Variants in DYNC2I1 observed in about 807,000 individuals in gnomAD.
DYNC2I1 encodes cytoplasmic dynein 2 intermediate chain 1.
A neutral mutation model predicts 133.4 loss-of-function variants in DYNC2I1; 89 were observed. The ratio of observed to expected loss-of-function variants is 0.67; its 90% CI spans 0.56 to 0.80. The LOEUF (loss-of-function observed/expected upper bound fraction) is 0.80. Among genes scored for constraint, DYNC2I1 ranks in the 30% least tolerant of loss-of-function variants. DYNC2I1 has a pLI of 0.00. For synonymous variants in DYNC2I1, 504 were observed against 484.3 expected, an observed-to-expected ratio of 1.04 and a Z score of -0.54; for missense variants, 1,291 against 1,314.5, an observed-to-expected ratio of 0.98 and a Z score of 0.28.
intron 24 of DYNC2I1, 82 bp downstream of exon 24, chr7:158,942,230 T>G (rs949717158): frequency 9.1e-7 from 1 of 1,096,008 alleles, no homozygotes; most frequent in African/African-American, 1.6e-5. Context: ...TCTTCATTAA[T>G]TTTTGCATGA....
chr7:158,916,275 A>G (rs1417179990), intron 14 of DYNC2I1, among the ~76,000 whole-genome samples: 5 of 94,704 alleles, frequency 5.3e-5, no homozygotes, highest in Admixed American at 3.0e-4. Flanking sequence ...GACATTTAGG[A>G]TGATTGTGAA....
At chr7:158,900,764 G>A (rs1440622273) in intron 8 of DYNC2I1, among the ~76,000 whole-genome samples, 60 of 32,942 alleles carry the variant, frequency 1.8e-3, no homozygotes, top group African/African-American at 7.4e-3. Flanking sequence ...CCCGCTTTTT[G>A]TTCTCTTTGC....
intron 21 of DYNC2I1, among the ~76,000 whole-genome samples, chr7:158,932,714 G>C (rs1312355459): frequency 6.6e-6 from 1 of 152,158 alleles, no homozygotes. Flanking sequence ...TGGAGTCAGG[G>C]AGAGCAGTTA....
intron 1 of DYNC2I1, among the ~76,000 whole-genome samples, chr7:158,868,704 G>A (rs1379659740): frequency 1.3e-5 from 2 of 152,158 alleles, no homozygotes; most frequent in Admixed American, 6.5e-5. Context: ...GTGTCCTCAG[G>A]GACAGGCAGG....
At chr7:158,870,142 C>T (rs1226589596) in intron 2 of DYNC2I1, among the ~76,000 whole-genome samples, 2 of 152,284 alleles carry the variant, frequency 1.3e-5, no homozygotes, top group East Asian at 1.9e-4. Context: ...GGCCTCCGCA[C>T]TGCTTTAGGG....
intron 16 of DYNC2I1, 130 bp downstream of exon 16, chr7:158,922,679 C>A: frequency 1.2e-6 from 1 of 866,070 alleles, no homozygotes; most frequent in Admixed American, 2.7e-5. Flanking sequence ...ATGGGCCATT[C>A]TCTGTCTCTC....
intron 1 of DYNC2I1, among the ~76,000 whole-genome samples, chr7:158,868,641 G>A (rs959606597): frequency 1.3e-5 from 2 of 152,354 alleles, no homozygotes; most frequent in African/African-American, 2.4e-5. Context: ...CCAGAGACAC[G>A]GGTGAGCTTG....
downstream of DYNC2I1, among the ~76,000 whole-genome samples, chr7:158,946,833 C>T (rs890122263): frequency 5.3e-5 from 8 of 152,204 alleles, no homozygotes; most frequent in East Asian, 1.9e-4. Context: ...GTGAGGTGAA[C>T]GGATGGGCAC....
At chr7:158,937,271 T>A (rs1159245293) in intron 23 of DYNC2I1, among the ~76,000 whole-genome samples, 2 of 152,214 alleles carry the variant, frequency 1.3e-5, no homozygotes, top group African/African-American at 4.8e-5. Context: ...TTATAGGCTG[T>A]CAGCAGCAGA....
At chr7:158,898,065 T>TA (rs1461683026) in intron 8 of DYNC2I1, among the ~76,000 whole-genome samples, 1 of 152,256 alleles carries the variant, frequency 6.6e-6, no homozygotes, top group African/African-American at 2.4e-5. Flanking sequence ...ATTTTTCTGT[T>TA]ACTGATTTCT....
chr7:158,917,301 T>A (rs1312261953), intron 14 of DYNC2I1, among the ~76,000 whole-genome samples: 2 of 151,836 alleles, frequency 1.3e-5, no homozygotes, highest in African/African-American at 4.8e-5. Flanking sequence ...AAATTAAGGA[T>A]GATTGTGAGA....
intron 23 of DYNC2I1, among the ~76,000 whole-genome samples, chr7:158,940,114 A>G (rs1285982904): frequency 6.6e-6 from 1 of 152,216 alleles, no homozygotes; most frequent in African/African-American, 2.4e-5. Context: ...AAGAAGCATC[A>G]GAGTTAAACT....
chr7:158,901,781 G>A lies in DYNC2I1; in HGVS notation c.1102G>A (p.Asp368Asn). 1 of 1,583,576 alleles carries A rather than the reference G, an allele frequency of 6.3e-7. No individual in the cohort carries two copies. The highest frequency in any genetic ancestry group is 1.2e-5 in the South Asian group (1 of 85,498). ...AACTGATTTAGAAAATGCTAGAGCT[G>A]ATGCATATACAGCCAGTTGTGAAGA... ...EETDLENARA[D>N]AYTASCEDDF... The change falls in exon 9 of 25, where the codon GAT becomes AAT. Residue 368 changes from aspartate to asparagine, a missense_variant. By Grantham distance (23) the Asp-to-Asn change is conservative. Coordinates refer to ENST00000407559, the MANE Select transcript of DYNC2I1 (RefSeq NM_018051.5).
chr7:158,918,913 A>G, intron 15 of DYNC2I1, 44 bp downstream of exon 15: 1 of 1,586,308 alleles, frequency 6.3e-7, no homozygotes, highest in East Asian at 2.3e-5. Context: ...CAGTGACTAA[A>G]CATTCATGTT....
intron 1 of DYNC2I1, among the ~76,000 whole-genome samples, chr7:158,858,010 C>G (rs546857163): frequency 6.6e-6 from 1 of 151,990 alleles, no homozygotes; most frequent in South Asian, 2.1e-4. Context: ...AGGCTGGTCT[C>G]GAACTCCTGA....
intron 4 of DYNC2I1, among the ~76,000 whole-genome samples, chr7:158,954,220 A>G (rs903359668): frequency 1.3e-5 from 2 of 152,158 alleles, no homozygotes; most frequent in Non-Finnish European, 2.9e-5. Flanking sequence ...CTGTGAGTCC[A>G]TTACACCTCT....
intron 11 of DYNC2I1, among the ~76,000 whole-genome samples, chr7:158,909,972 C>T (rs1199050753): frequency 2.0e-5 from 3 of 151,968 alleles, no homozygotes; most frequent in Non-Finnish European, 2.9e-5. Context: ...GGAGGAGGAG[C>T]AGAGAGCAGA....
chr7:158,940,450 C>T (rs918185193), intron 23 of DYNC2I1, among the ~76,000 whole-genome samples: 1 of 152,172 alleles, frequency 6.6e-6, no homozygotes, highest in Admixed American at 6.5e-5. Flanking sequence ...GGTACTGGTC[C>T]ATGGCCCAGA....
chr7:158,840,896 A>G, the DYNC2I1 span, among the ~76,000 whole-genome samples: 3 of 152,088 alleles, frequency 2.0e-5, no homozygotes, highest in African/African-American at 7.2e-5. Flanking sequence ...CACTGGCTGG[A>G]GCAGAGAGCA....
Sources: gnomAD v4.1 joint callset for allele counts (sites outside exome capture counted in the v4.1 genomes callset) on GRCh38, gnomAD v4.1.1 for gene constraint, MANE v1.5 for transcripts, NCBI Gene and HGNC (gene_info 2026-07-23, HGNC 2026-07-21) for gene names.